The following SHROOM3 variants were observed in gnomAD, a reference collection of about 807,000 sequenced individuals.
SHROOM3 encodes protein Shroom3.
SHROOM3 carries 47 observed loss-of-function variants against 138.6 expected under a neutral mutation model. The ratio of observed to expected loss-of-function variants is 0.34; its 90% CI spans 0.27 to 0.43. SHROOM3 has a LOEUF of 0.43. Ranked by LOEUF, SHROOM3 falls within the 20% of genes least tolerant of loss-of-function variation. SHROOM3 has a pLI of 1.00. For missense variants in SHROOM3, 2,491 were observed against 2,596.5 expected (o/e 0.96, Z 0.88); for synonymous variants, 1,062 against 1,063.3 (o/e 1.00, Z 0.02).
intron 3 of SHROOM3, among the ~76,000 whole-genome samples, chr4:76,726,548 A>AAAAAAAC (rs1220550370): frequency 1.3e-5 from 2 of 150,894 alleles, no homozygotes; most frequent in African/African-American, 4.9e-5. Context: ...ATCTAAAAAA[A>AAAAAAAC]AAAAAAAAAA....
intron 1 of SHROOM3, among the ~76,000 whole-genome samples, chr4:76,538,752 C>A (rs925267573): frequency 6.6e-6 from 1 of 152,176 alleles, no homozygotes; most frequent in Non-Finnish European, 1.5e-5. Context: ...ACACCATTAT[C>A]TACTCATTTG....
At chr4:76,436,512 T>C (rs1730567675) in intron 1 of SHROOM3, among the ~76,000 whole-genome samples, 2 of 152,214 alleles carry the variant, frequency 1.3e-5, no homozygotes, top group South Asian at 4.1e-4. Context: ...CAGTTATAAA[T>C]CAGATTAAAG....
At chr4:76,475,707 A>G (rs567839748) in intron 1 of SHROOM3, among the ~76,000 whole-genome samples, 31 of 152,228 alleles carry the variant, frequency 2.0e-4, no homozygotes, top group Non-Finnish European at 4.1e-4. Flanking sequence ...CTTTGGATTG[A>G]AAACCACAAG....
intron 2 of SHROOM3, among the ~76,000 whole-genome samples, chr4:76,641,926 C>T (rs192837650): frequency 3.3e-5 from 5 of 152,236 alleles, no homozygotes; most frequent in Non-Finnish European, 5.9e-5. Flanking sequence ...GAGGGGAAAC[C>T]GGTCAGAGCC....
At chr4:76,473,816 A>T (rs1349270445) in intron 1 of SHROOM3, among the ~76,000 whole-genome samples, 1 of 152,210 alleles carries the variant, frequency 6.6e-6, no homozygotes, top group Non-Finnish European at 1.5e-5. Context: ...CAGACAATAA[A>T]AAGTGTTGGC....
chr4:76,618,770 A>T (rs2110065040), intron 2 of SHROOM3, among the ~76,000 whole-genome samples: 1 of 152,274 alleles, frequency 6.6e-6, no homozygotes, highest in Non-Finnish European at 1.5e-5. Context: ...TTATTTTCTG[A>T]ATTTCTGTTT....
At chr4:76,673,974 G>C (rs1718955739) in intron 2 of SHROOM3, among the ~76,000 whole-genome samples, 1 of 152,194 alleles carries the variant, frequency 6.6e-6, no homozygotes, top group Admixed American at 6.5e-5. Flanking sequence ...CTGGGGTCAA[G>C]TGATCCTCCT....
At chr4:76,600,592 T>C (rs767894308) in intron 2 of SHROOM3, among the ~76,000 whole-genome samples, 8 of 152,216 alleles carry the variant, frequency 5.3e-5, no homozygotes, top group Non-Finnish European at 7.3e-5. Context: ...GAAAATGTAC[T>C]TCAACTTTCT....
intron 2 of SHROOM3, among the ~76,000 whole-genome samples, chr4:76,645,851 A>G (rs899994978): frequency 6.6e-6 from 1 of 152,192 alleles, no homozygotes; most frequent in African/African-American, 2.4e-5. Context: ...TCTTCTTCCA[A>G]GAATTTCAGA....
At chr4:76,675,911 A>C (rs1719014350) in intron 2 of SHROOM3, among the ~76,000 whole-genome samples, 2 of 152,170 alleles carry the variant, frequency 1.3e-5, no homozygotes, top group Admixed American at 1.3e-4. Context: ...GTAGGTAAGT[A>C]GATAGATGAT....
intron 2 of SHROOM3, among the ~76,000 whole-genome samples, chr4:76,661,977 C>T (rs1718506801): frequency 6.6e-6 from 1 of 152,178 alleles, no homozygotes; most frequent in Non-Finnish European, 1.5e-5. Flanking sequence ...CATTTTGTTC[C>T]ATAACCTTCC....
chr4:76,737,414 G>C (rs1038870819), intron 4 of SHROOM3, among the ~76,000 whole-genome samples: 3 of 152,120 alleles, frequency 2.0e-5, no homozygotes, highest in Admixed American at 2.0e-4. Context: ...TTGTGTGGAC[G>C]TGAGTTTTCA....
chr4:76,583,530 A>G lies in SHROOM3; in HGVS notation c.323+27767A>G, dbSNP rs76570686. ...CAGAGGAGAGAAAACTGACGCTTGG[A>G]AAAGCTGAATAATTTGCCTGCAATC... On this transcript the variant is annotated intron_variant, in intron 2 of 10. Transcript: ENST00000296043. 2.0e-4 allele frequency among the ~76,000 whole-genome samples: 30 copies of G among 152,362 alleles called. No individual in the cohort carries two copies. The East Asian group carries it at 5.6e-3, about 28-fold the overall frequency.
At chr4:76,666,657 A>G (rs1718702130) in intron 2 of SHROOM3, among the ~76,000 whole-genome samples, 1 of 152,190 alleles carries the variant, frequency 6.6e-6, no homozygotes, top group Admixed American at 6.5e-5. Context: ...AGTGCAAACC[A>G]AAACGAGAAT....
intron 1 of SHROOM3, among the ~76,000 whole-genome samples, chr4:76,465,061 G>C (rs1329175513): frequency 6.6e-6 from 1 of 152,176 alleles, no homozygotes; most frequent in Non-Finnish European, 1.5e-5. Flanking sequence ...CCATTATATA[G>C]AATTCTTCAA....
rs116428914 is a variant in SHROOM3 at position 76,496,980 on chromosome 4, T to A, written c.169-58629T>A. 1.3e-3 allele frequency among the ~76,000 whole-genome samples: 192 copies of A among 152,366 alleles called. 1 individual carries two copies. Among genetic ancestry groups the A allele is most frequent in the African/African-American group, 4.5e-3 (187 of 41,590 alleles). On this transcript the variant is annotated intron_variant, in intron 1 of 10. Coordinates refer to ENST00000296043, the MANE Select transcript of SHROOM3 (RefSeq NM_020859.4). Reference sequence around the variant, plus strand: ...CATGTAACCTCTATAAGGATAAGGCTGTCTGTGTTATCCCTAGCTGCTAGC... The same window carrying A: ...CATGTAACCTCTATAAGGATAAGGCAGTCTGTGTTATCCCTAGCTGCTAGC...
At chr4:76,493,079 G>A (rs1047681957) in intron 1 of SHROOM3, among the ~76,000 whole-genome samples, 2 of 152,002 alleles carry the variant, frequency 1.3e-5, no homozygotes, top group Non-Finnish European at 2.9e-5. Context: ...AAATTAGCTG[G>A]CCATGGTGGT....
intron 2 of SHROOM3, among the ~76,000 whole-genome samples, chr4:76,669,202 A>T (rs1212332271): frequency 6.6e-6 from 1 of 152,228 alleles, no homozygotes; most frequent in African/African-American, 2.4e-5. Context: ...CAATTGGAGA[A>T]TTTTAATGTT....
chr4:76,566,064 G>A (rs548258544), intron 2 of SHROOM3, among the ~76,000 whole-genome samples: 2 of 149,598 alleles, frequency 1.3e-5, no homozygotes, highest in Admixed American at 6.7e-5. Flanking sequence ...AGCCATGATC[G>A]GGCCACTGCA....
Sources: allele counts gnomAD v4.1 joint callset (sites outside exome capture counted in the v4.1 genomes callset), GRCh38; gene constraint gnomAD v4.1.1; transcripts MANE v1.5; gene names NCBI Gene and HGNC (gene_info 2026-07-23, HGNC 2026-07-21).